The following NBAS variants were observed in gnomAD, a reference collection of about 807,000 sequenced individuals.
NBAS encodes the protein NBAS subunit of NRZ tethering complex, also known as NAG/BC035112 fusion.
A neutral mutation model predicts 302.5 loss-of-function variants in NBAS; 219 were observed. The ratio of observed to expected loss-of-function variants is 0.72; its 90% CI spans 0.65 to 0.81. The LOEUF (loss-of-function observed/expected upper bound fraction) is 0.81, where lower values mean the gene tolerates loss of function less well. Among genes scored for constraint, NBAS ranks in the 30% least tolerant of loss-of-function variants. NBAS has a pLI of 0.00. For synonymous variants in NBAS, 1,118 were observed against 1,021.6 expected, an observed-to-expected ratio of 1.09 and a Z score of -1.80; for missense variants, 2,932 against 2,841.6, an observed-to-expected ratio of 1.03 and a Z score of -0.72.
the NBAS span, among the ~76,000 whole-genome samples, chr2:15,152,243 T>C: frequency 1.3e-5 from 2 of 152,218 alleles, no homozygotes; most frequent in African/African-American, 4.8e-5. Context: ...TTGAGAATTG[T>C]AAATTCCATA....
At chr2:15,453,792 T>C (rs1485015240) in intron 21 of NBAS, among the ~76,000 whole-genome samples, 1 of 152,048 alleles carries the variant, frequency 6.6e-6, no homozygotes, top group Non-Finnish European at 1.5e-5. Context: ...TTTTTCTTTT[T>C]TTTTTGAGAC....
At chr2:15,231,961 C>T (rs1667399889) in intron 47 of NBAS, among the ~76,000 whole-genome samples, 1 of 152,134 alleles carries the variant, frequency 6.6e-6, no homozygotes, top group African/African-American at 2.4e-5. Context: ...ATCGGAGATA[C>T]ACATCTTTCT....
chr2:15,507,700 T>C (rs1661933373), intron 10 of NBAS, among the ~76,000 whole-genome samples: 1 of 152,230 alleles, frequency 6.6e-6, no homozygotes, highest in African/African-American at 2.4e-5. Context: ...TTATAGCTCA[T>C]TGCACTTATT....
intron 21 of NBAS, among the ~76,000 whole-genome samples, chr2:15,431,514 G>A (rs1677763250): frequency 1.3e-5 from 2 of 152,026 alleles, no homozygotes; most frequent in African/African-American, 2.4e-5. Flanking sequence ...TATATCCTCA[G>A]CACCCAAAAT....
At chr2:15,038,696 G>A in the NBAS span, among the ~76,000 whole-genome samples, 1 of 105,668 alleles carries the variant, frequency 9.5e-6, no homozygotes, top group Non-Finnish European at 1.9e-5. Context: ...CTTCCTCCCC[G>A]AGGACAAGCA....
At chr2:15,385,634 ATAG>A in intron 28 of NBAS, among the ~76,000 whole-genome samples, 1 of 152,206 alleles carries the variant, frequency 6.6e-6, no homozygotes, top group African/African-American at 2.4e-5. Flanking sequence ...CCAGGGAGAA[ATAG>A]TAGTGTACTC....
chr2:14,788,533 T>G, the NBAS span, among the ~76,000 whole-genome samples: 1 of 152,164 alleles, frequency 6.6e-6, no homozygotes, highest in Non-Finnish European at 1.5e-5. Context: ...TAGTTTTCCT[T>G]CTAACAGACA....
chr2:15,315,105 T>G (rs1671447018), intron 38 of NBAS, among the ~76,000 whole-genome samples: 1 of 152,188 alleles, frequency 6.6e-6, no homozygotes, highest in Non-Finnish European at 1.5e-5. Flanking sequence ...GCTGCACTTG[T>G]CACAATCTGT....
chr2:14,813,497 C>A, the NBAS span, among the ~76,000 whole-genome samples: 2 of 152,158 alleles, frequency 1.3e-5, no homozygotes. Flanking sequence ...ATCTGTGGAA[C>A]TTTAAACTTG....
chr2:15,438,524 C>T (rs1426622609), intron 21 of NBAS, among the ~76,000 whole-genome samples: 1 of 152,062 alleles, frequency 6.6e-6, no homozygotes, highest in Non-Finnish European at 1.5e-5. Flanking sequence ...CGATCAACAA[C>T]AAAAATAGAC....
At chr2:15,142,201 G>T in the NBAS span, among the ~76,000 whole-genome samples, 1 of 152,140 alleles carries the variant, frequency 6.6e-6, no homozygotes, top group African/African-American at 2.4e-5. Flanking sequence ...AGTTGCAAAT[G>T]CACGAAAAAT....
chr2:15,510,499 T>A (rs899262111), intron 10 of NBAS, among the ~76,000 whole-genome samples: 7 of 152,300 alleles, frequency 4.6e-5, no homozygotes, highest in Non-Finnish European at 7.3e-5. Context: ...AGAGTCATGA[T>A]CTCAACATCA....
intron 38 of NBAS, among the ~76,000 whole-genome samples, chr2:15,322,991 G>C (rs1181331005): frequency 1.3e-5 from 2 of 152,092 alleles, no homozygotes; most frequent in East Asian, 3.8e-4. Flanking sequence ...AATATAAATT[G>C]TAAGTGCTCT....
the NBAS span, among the ~76,000 whole-genome samples, chr2:15,027,333 A>G: frequency 6.6e-6 from 1 of 151,966 alleles, no homozygotes; most frequent in South Asian, 2.1e-4. Flanking sequence ...TACTGCCTTT[A>G]TTATTTTATT....
the NBAS span, among the ~76,000 whole-genome samples, chr2:14,952,030 T>C: frequency 6.6e-6 from 1 of 152,232 alleles, no homozygotes; most frequent in Admixed American, 6.5e-5. Flanking sequence ...TCTGGTACTC[T>C]AGAATTCCAG....
the NBAS span, among the ~76,000 whole-genome samples, chr2:14,858,579 A>G: frequency 2.0e-5 from 3 of 152,136 alleles, no homozygotes; most frequent in African/African-American, 4.8e-5. Flanking sequence ...CAAACTTCGC[A>G]TCAACTCACT....
chr2:15,202,982 G>A (rs544701011), intron 48 of NBAS, among the ~76,000 whole-genome samples: 35 of 152,148 alleles, frequency 2.3e-4, no homozygotes, highest in Admixed American at 6.5e-5. Flanking sequence ...TTTGAATATT[G>A]GCCCTGTCAC....
intron 9 of NBAS, among the ~76,000 whole-genome samples, chr2:15,519,483 C>T: frequency 1.2e-5 from 1 of 86,362 alleles, no homozygotes; most frequent in Admixed American, 1.2e-4. Flanking sequence ...GTCACCCAAG[C>T]TGGAGTGCAA....
chr2:15,238,322 G>A, intron 45 of NBAS, 146 bp downstream of exon 45: 2 of 743,132 alleles, frequency 2.7e-6, no homozygotes, highest in South Asian at 1.8e-5. Context: ...TGATCATGAA[G>A]AGGTTAACCA....
Sources: gnomAD v4.1 joint callset for allele counts (sites outside exome capture counted in the v4.1 genomes callset) on GRCh38, gnomAD v4.1.1 for gene constraint, MANE v1.5 for transcripts, NCBI Gene and HGNC (gene_info 2026-07-23, HGNC 2026-07-21) for gene names.